Variants in SH3TC1 observed in about 807,000 individuals in gnomAD.
The protein encoded by SH3TC1 is SH3 domain and tetratricopeptide repeat-containing protein 1.
SH3TC1 carries 135 observed loss-of-function variants against 117.3 expected under a neutral mutation model. That is an observed-to-expected ratio of 1.15 (90% confidence interval 1.00 to 1.33). The LOEUF (loss-of-function observed/expected upper bound fraction) is 1.33, where lower values mean the gene tolerates loss of function less well. Among genes scored for constraint, SH3TC1 ranks in the 40% most tolerant of loss-of-function variants. The pLI is 0.00. For synonymous variants in SH3TC1, 898 were observed against 816.9 expected, an observed-to-expected ratio of 1.10 and a Z score of -1.69; for missense variants, 2,092 against 1,794.3, an observed-to-expected ratio of 1.17 and a Z score of -3.00.
chr4:8,227,695 C>T lies in SH3TC1; in HGVS notation c.2001C>T (p.Ala667=), dbSNP rs200704706. 5.6e-5 allele frequency: 88 copies of T among 1,559,864 alleles called. No homozygotes were observed. In the Middle Eastern group the frequency reaches 8.7e-4, roughly 15 times the overall value. Residue 667 remains alanine (A), a synonymous_variant, in exon 12 of 18, where the codon GCC becomes GCT. Coordinates refer to ENST00000245105, the MANE Select transcript of SH3TC1 (RefSeq NM_018986.5). Reference sequence around the variant, plus strand: ...AGAGCCTGCAGGCCGAGGCCCGGGCCTGCTTCCTGCTGGCCAGGCACCACG... The same window carrying T: ...AGAGCCTGCAGGCCGAGGCCCGGGCTTGCTTCCTGCTGGCCAGGCACCACG... ...GGQSLQAEAR[A]CFLLARHHVH... is the part of the protein sequence containing the mutation.
rs1718462330 is a variant in SH3TC1 at position 8,209,455 on chromosome 4, T to C, written c.173-293T>C. Among the ~76,000 whole-genome samples, 1 of 152,168 alleles carries C rather than the reference T, an allele frequency of 6.6e-6. No homozygotes were observed. Among genetic ancestry groups the C allele is most frequent in the Admixed American group, 6.5e-5 (1 of 15,278 alleles). On this transcript the variant is annotated intron_variant, in intron 2 of 17. Coordinates refer to ENST00000245105, the MANE Select transcript of SH3TC1 (RefSeq NM_018986.5). The surrounding 1 kb of genome is among the most constrained non-coding windows in gnomAD (Gnocchi z 5.9). Reference sequence around the variant, plus strand: ...GAGGAACAGGGCCCTGTCCACACCCTCACTTTAGCTCTGTGAGGCCCATTG... The same window carrying C: ...GAGGAACAGGGCCCTGTCCACACCCCCACTTTAGCTCTGTGAGGCCCATTG...
chr4:8,218,144 G>A (rs1032051586), intron 7 of SH3TC1, 127 bp from the exon 8 acceptor site: 1 of 602,370 alleles, frequency 1.7e-6, no homozygotes, highest in East Asian at 2.8e-5. Context: ...GTGCACGTGT[G>A]TGTGTTGGGG....
chr4:8,189,838 G>A (rs1284446562), intron 1 of SH3TC1, among the ~76,000 whole-genome samples: 1 of 152,198 alleles, frequency 6.6e-6, no homozygotes, highest in African/African-American at 2.4e-5. Context: ...TCCCCGCACA[G>A]AGTGTGGCCC....
chr4:8,223,056 G>A (rs2152989206), intron 10 of SH3TC1, 86 bp downstream of exon 10: 1 of 1,509,084 alleles, frequency 6.6e-7, no homozygotes, highest in South Asian at 1.2e-5. Context: ...TCCACAGATA[G>A]TGCCAGCCCC....
chr4:8,206,794 A>C lies in SH3TC1; in HGVS notation c.172+1428A>C, dbSNP rs1718244942. Among the ~76,000 whole-genome samples, 1 of 151,020 alleles carries C rather than the reference A, an allele frequency of 6.6e-6. No individual in the cohort carries two copies. Among genetic ancestry groups the C allele is most frequent in the South Asian group, 2.1e-4 (1 of 4,784 alleles). On this transcript the variant is annotated intron_variant, in intron 2 of 17. Coordinates refer to ENST00000245105, the MANE Select transcript of SH3TC1 (RefSeq NM_018986.5). This position sits in a 1 kb window ranked among gnomAD's most constrained non-coding sequence, Gnocchi z 5.5. ...ATTTGCCCATACCCAGGTTCCCTGA[A>C]TGTTCGCATTTTAGGACTTTTACTT... is the stretch of plus-strand genomic sequence containing the variant.
At position 8,225,488 on chromosome 4, in the gene SH3TC1, T is replaced by A. The variant is rs1198384861; in HGVS notation, c.1285+272T>A. On this transcript the variant is annotated intron_variant, in intron 11 of 17. Transcript: ENST00000245105. The surrounding 1 kb of genome is among the most constrained non-coding windows in gnomAD (Gnocchi z 5.5). ...AAGATGGAGCATCCTTTCCACTGCT[T>A]GGGTCCACTTGTAGCTGTGGGTTCC... Among the ~76,000 whole-genome samples, 1 of 152,140 alleles carries A rather than the reference T, an allele frequency of 6.6e-6. No homozygotes were observed. The highest frequency in any genetic ancestry group is 1.5e-5 in the Non-Finnish European group (1 of 68,014).
chr4:8,217,248 A>T, intron 7 of SH3TC1, 81 bp downstream of exon 7: 3 of 1,515,588 alleles, frequency 2.0e-6, no homozygotes, highest in Non-Finnish European at 2.7e-6. Flanking sequence ...GGTCAAGGGG[A>T]TGGACAGGGA....
intron 14 of SH3TC1, among the ~76,000 whole-genome samples, chr4:8,234,404 A>G (rs946089781): frequency 6.6e-6 from 1 of 151,300 alleles, no homozygotes; most frequent in African/African-American, 2.4e-5. Flanking sequence ...ATGTACATAC[A>G]TACATCATCC....
At chr4:8,219,553 C>G (rs762014647) in intron 9 of SH3TC1, 23 bp downstream of exon 9, 4 of 1,489,854 alleles carry the variant, frequency 2.7e-6, no homozygotes, top group Non-Finnish European at 3.6e-6. Context: ...AGCCCCGCCC[C>G]TTTCCTGAAC....
intron 10 of SH3TC1, among the ~76,000 whole-genome samples, chr4:8,223,904 G>A (rs1720188708): frequency 6.6e-6 from 1 of 152,048 alleles, no homozygotes; most frequent in Admixed American, 6.5e-5. Flanking sequence ...CAAAGTGCTG[G>A]GATTACAGCT....
chr4:8,226,660 T>C (rs1561705526), intron 11 of SH3TC1, among the ~76,000 whole-genome samples: 1 of 152,220 alleles, frequency 6.6e-6, no homozygotes, highest in Admixed American at 6.5e-5. Flanking sequence ...CTCTGAGGGA[T>C]CACTGAGCTG....
rs1718155168 is a variant in SH3TC1, at chr4:8,205,762, G to A, written c.172+396G>A. On this transcript the variant is annotated intron_variant, in intron 2 of 17. Transcript: ENST00000245105. The surrounding 1 kb of genome is among the most constrained non-coding windows in gnomAD (Gnocchi z 5.4). ...CAGGAGGCACCCAAGGTGCAGAGAG[G>A]GAAGGGCCGGGCCAGGCCACCCTGT... 5 of 662,344 alleles carry A rather than the reference G, an allele frequency of 7.5e-6. No individual in the cohort carries two copies. Among genetic ancestry groups the A allele is most frequent in the Non-Finnish European group, 1.4e-5 (5 of 360,296 alleles). 41.0% of individuals were successfully genotyped at this position (662,344 alleles called of 1,614,324 possible).
At position 8,235,494 on chromosome 4, in the gene SH3TC1, C is replaced by T. The variant is rs201366758; in HGVS notation, c.3344C>T (p.Ala1115Val). 1.7e-5 allele frequency: 27 copies of T among 1,605,082 alleles called. No homozygotes were observed. Among genetic ancestry groups the T allele is most frequent in the Admixed American group, 8.5e-5 (5 of 59,022 alleles). ...DPNLGLELFEAAGDIFFDGAW... is the reference protein window; with the variant it reads ...DPNLGLELFEVAGDIFFDGAW... ...AACCTGGGGCTGGAGCTGTTTGAGGCGGCTGGAGACATCTTCTTCGACGGG... is the reference window on the plus strand; with the variant it reads ...AACCTGGGGCTGGAGCTGTTTGAGGTGGCTGGAGACATCTTCTTCGACGGG... Residue 1115 changes from alanine (A) to valine (V), a missense_variant, in exon 15 of 18, where the codon GCG becomes GTG. Ala to Val is a moderately conservative substitution (Grantham distance 64). Coordinates refer to ENST00000245105, the MANE Select transcript of SH3TC1 (RefSeq NM_018986.5).
intron 1 of SH3TC1, among the ~76,000 whole-genome samples, chr4:8,191,917 C>A (rs190856400): frequency 6.6e-6 from 1 of 151,998 alleles, no homozygotes; most frequent in African/African-American, 2.4e-5. Flanking sequence ...GGGGTCCGGC[C>A]GGGCTGTGTT....
chr4:8,203,867 G>A lies in SH3TC1; in HGVS notation c.-28-1300G>A, dbSNP rs1350225898. Among the ~76,000 whole-genome samples the A allele has an allele frequency of 2.0e-5, 3 of 152,164 alleles. No homozygotes were observed. The East Asian group carries it at 5.8e-4, about 29-fold the overall frequency. On this transcript the variant is annotated intron_variant, in intron 1 of 17. Transcript: ENST00000245105. ...CCCCACGCACCCCCAACAGCTGCCT[G>A]ATTTGCCTCCCAGTCCCCTGCCACG...
chr4:8,208,758 T>C (rs1718411092), intron 2 of SH3TC1, among the ~76,000 whole-genome samples: 1 of 152,132 alleles, frequency 6.6e-6, no homozygotes. Context: ...ACCGGGCGAG[T>C]GCACGCCACT....
rs771247359 is a variant in SH3TC1 at position 8,205,681 on chromosome 4, G to A, written c.172+315G>A. ...TCAGAGACCGTTCCAGAAACAGTCC[G>A]ATGGGTTTGGCCTTGGAACCCCTGA... On this transcript the variant is annotated intron_variant, in intron 2 of 17. Transcript: ENST00000245105. The surrounding 1 kb of genome is among the most constrained non-coding windows in gnomAD (Gnocchi z 5.4). 15 of 744,016 alleles carry A rather than the reference G, an allele frequency of 2.0e-5. No homozygotes were observed. The highest frequency in any genetic ancestry group is 1.4e-4 in the South Asian group (10 of 72,072). 46.1% of individuals were successfully genotyped at this position (744,016 alleles called of 1,614,324 possible). A position where few individuals can be genotyped will look rare whatever the true frequency, so the allele number is the denominator to read the frequency against.
At chr4:8,188,333 C>G (rs1717292690) in intron 1 of SH3TC1, among the ~76,000 whole-genome samples, 1 of 152,254 alleles carries the variant, frequency 6.6e-6, no homozygotes, top group Admixed American at 6.5e-5. Context: ...GATGCTGAGC[C>G]AGGCCCAGCA....
intron 7 of SH3TC1, 96 bp downstream of exon 7, chr4:8,217,263 T>TCC: frequency 6.7e-7 from 1 of 1,486,806 alleles, no homozygotes; most frequent in East Asian, 2.5e-5. Flanking sequence ...CAGGGAATGG[T>TCC]GGGGGCCCCG....
Sources: allele counts gnomAD v4.1 joint callset (sites outside exome capture counted in the v4.1 genomes callset), GRCh38; gene constraint gnomAD v4.1.1; non-coding constraint Gnocchi (gnomAD v3.1); transcripts MANE v1.5; gene names NCBI Gene and HGNC (gene_info 2026-07-23, HGNC 2026-07-21).